BAALC: variants seen among roughly 807,000 people sequenced by gnomAD.
BAALC encodes the protein brain and acute leukemia cytoplasmic protein.
In BAALC, 9 loss-of-function variants were observed where a neutral mutation model predicts 15.5. The observed-to-expected ratio is 0.58, with a 90% CI of 0.35 to 1.02. The LOEUF (loss-of-function observed/expected upper bound fraction) is 1.02, where lower values mean the gene tolerates loss of function less well. BAALC is among the 50% of genes least tolerant of loss of function. The pLI, the probability that BAALC is intolerant of heterozygous loss-of-function variation, is 0.02. For missense variants in BAALC, 201 were observed against 192.4 expected, an observed-to-expected ratio of 1.04 and a Z score of -0.27; for synonymous variants, 80 against 74.6, an observed-to-expected ratio of 1.07 and a Z score of -0.37.
At chr8:103,147,981 A>G (rs1049572937) in intron 1 of BAALC, among the ~76,000 whole-genome samples, 1 of 152,144 alleles carries the variant, frequency 6.6e-6, no homozygotes, top group Non-Finnish European at 1.5e-5. Context: ...AACCACAGCC[A>G]TCTCTCTTGA....
rs1812889300 is a variant in BAALC, at chr8:103,229,859, T to G, written c.*1760T>G. 6.6e-6 allele frequency: 1 copy of G among 152,150 alleles called. No individual in the cohort carries two copies. Among genetic ancestry groups the G allele is most frequent in the African/African-American group, 2.4e-5 (1 of 41,432 alleles). The allele number at this position is 152,150 out of a possible 1,614,324, so 9.4% of individuals were successfully genotyped here. The stretch of plus-strand genomic sequence containing the variant: ...AAAAATGTTTTTAACAATAATAAGA[T>G]AAAAGAAAAACCTGTGATTCATATG... On this transcript the variant is annotated 3_prime_UTR_variant, in exon 3 of 3. Transcript: ENST00000309982.
intron 1 of BAALC, among the ~76,000 whole-genome samples, chr8:103,199,362 T>C (rs1028373653): frequency 6.6e-6 from 1 of 152,206 alleles, no homozygotes; most frequent in Non-Finnish European, 1.5e-5. Context: ...AGAAATGATA[T>C]ATTATTTAAA....
intron 1 of BAALC, among the ~76,000 whole-genome samples, chr8:103,143,737 G>T (rs1282071849): frequency 6.6e-6 from 1 of 152,196 alleles, no homozygotes; most frequent in Non-Finnish European, 1.5e-5. Flanking sequence ...TAGGGGAGAA[G>T]CTAATTCATC....
At chr8:103,226,056 C>G (rs1812801451) in intron 2 of BAALC, among the ~76,000 whole-genome samples, 1 of 152,188 alleles carries the variant, frequency 6.6e-6, no homozygotes, top group Non-Finnish European at 1.5e-5. Flanking sequence ...AAATGTGCAT[C>G]TCTCAACACC....
At chr8:103,227,896 A>T in intron 2 of BAALC, 93 bp from the exon 3 acceptor site, 1 of 811,070 alleles carries the variant, frequency 1.2e-6, no homozygotes, top group Non-Finnish European at 2.0e-6. Flanking sequence ...CAACTATGGC[A>T]CAATAAACCT....
At chr8:103,173,566 A>AT (rs1257952820) in intron 1 of BAALC, among the ~76,000 whole-genome samples, 1 of 152,184 alleles carries the variant, frequency 6.6e-6, no homozygotes, top group Non-Finnish European at 1.5e-5. Flanking sequence ...ATATCCTCAG[A>AT]TCCCCCCAGG....
intron 1 of BAALC, among the ~76,000 whole-genome samples, chr8:103,192,519 C>T (rs1293286858): frequency 2.0e-5 from 3 of 151,718 alleles, no homozygotes; most frequent in Non-Finnish European, 4.4e-5. Flanking sequence ...TGCTTTTCCC[C>T]CTTTCTTTCT....
At chr8:103,146,307 G>C (rs1810880457) in intron 1 of BAALC, among the ~76,000 whole-genome samples, 1 of 152,182 alleles carries the variant, frequency 6.6e-6, no homozygotes, top group Non-Finnish European at 1.5e-5. Flanking sequence ...GTGCAGCCCA[G>C]CTGGCCTGAC....
At chr8:103,225,578 C>A (rs778474104) in intron 2 of BAALC, among the ~76,000 whole-genome samples, 1 of 152,130 alleles carries the variant, frequency 6.6e-6, no homozygotes, top group Non-Finnish European at 1.5e-5. Flanking sequence ...GTTCAGTCAG[C>A]GGAACAGCTG....
At chr8:103,188,829 G>A (rs1811902902) in intron 1 of BAALC, among the ~76,000 whole-genome samples, 1 of 152,112 alleles carries the variant, frequency 6.6e-6, no homozygotes, top group Non-Finnish European at 1.5e-5. Context: ...CTTTATTCAT[G>A]TTATAGATTT....
chr8:103,214,656 C>G (rs1812519906), intron 2 of BAALC, among the ~76,000 whole-genome samples: 1 of 152,212 alleles, frequency 6.6e-6, no homozygotes, highest in Non-Finnish European at 1.5e-5. Context: ...ATGACTTAAT[C>G]TCTCAGAATC....
At chr8:103,183,828 G>T (rs1230465441) in intron 1 of BAALC, among the ~76,000 whole-genome samples, 1 of 152,180 alleles carries the variant, frequency 6.6e-6, no homozygotes, top group Non-Finnish European at 1.5e-5. Flanking sequence ...GAATTCCTGG[G>T]CATGGTCCCT....
At chr8:103,204,433 A>G (rs1342403611) in intron 1 of BAALC, among the ~76,000 whole-genome samples, 2 of 152,114 alleles carry the variant, frequency 1.3e-5, no homozygotes, top group Non-Finnish European at 2.9e-5. Context: ...AATGCTCATT[A>G]TATCTATTTT....
intron 1 of BAALC, 180 bp downstream of exon 1, chr8:103,141,237 C>T: frequency 1.5e-6 from 1 of 648,478 alleles, no homozygotes; most frequent in Non-Finnish European, 2.3e-6. Context: ...GGAGTGGGGT[C>T]GACCAGAGCC....
intron 1 of BAALC, among the ~76,000 whole-genome samples, chr8:103,143,367 G>A (rs952337314): frequency 7.2e-5 from 11 of 152,178 alleles, no homozygotes; most frequent in Non-Finnish European, 1.3e-4. Flanking sequence ...GCCCCCAGTG[G>A]CTGCGTTGTG....
At chr8:103,224,014 C>T (rs982822302) in intron 2 of BAALC, among the ~76,000 whole-genome samples, 1 of 152,178 alleles carries the variant, frequency 6.6e-6, no homozygotes, top group Non-Finnish European at 1.5e-5. Flanking sequence ...GAATTGGTCT[C>T]ATAATTACCA....
chr8:103,166,334 G>C (rs1473480366), intron 1 of BAALC: 1 of 152,642 alleles, frequency 6.6e-6, no homozygotes, highest in Non-Finnish European at 1.5e-5. Flanking sequence ...GACAGATAAA[G>C]AGAAGGAGAA....
At chr8:103,225,125 A>C (rs534670513) in intron 2 of BAALC, among the ~76,000 whole-genome samples, 1 of 152,372 alleles carries the variant, frequency 6.6e-6, no homozygotes, top group South Asian at 2.1e-4. Flanking sequence ...GTTCAGGCTC[A>C]GAAAACCTGA....
rs185081627 is a variant in BAALC at position 103,156,949 on chromosome 8, G to C, written c.160+15892G>C. On this transcript the variant is annotated intron_variant, in intron 1 of 2. Transcript: ENST00000309982. ...AAAATCGTTAACACGGGGACCCAGA[G>C]AGAGTGTGCCCATGCCCTTTAGCCA... The C allele has an allele frequency of 1.6e-4, 24 of 152,474 alleles. 1 individual carries two copies. Among genetic ancestry groups the C allele is most frequent in the Admixed American group, 1.5e-3 (23 of 15,310 alleles). 9.4% of individuals were successfully genotyped at this position (152,474 alleles called of 1,614,324 possible).
Sources: allele counts gnomAD v4.1 joint callset (sites outside exome capture counted in the v4.1 genomes callset), GRCh38; gene constraint gnomAD v4.1.1; transcripts MANE v1.5; gene names NCBI Gene and HGNC (gene_info 2026-07-23, HGNC 2026-07-21).